The following DAB2IP variants were observed in gnomAD, a reference collection of about 807,000 sequenced individuals.
The protein encoded by DAB2IP is DAB2 interacting protein, also known as disabled homolog 2-interacting protein.
Under a neutral mutation model 107.2 loss-of-function variants are expected in DAB2IP, and 28 were observed. The observed-to-expected ratio is 0.26, with a 90% CI of 0.19 to 0.36. The LOEUF is 0.36. Among genes scored for constraint, DAB2IP ranks in the 10% least tolerant of loss-of-function variants. The pLI is 1.00. For synonymous variants in DAB2IP, 755 were observed against 706.4 expected, an observed-to-expected ratio of 1.07 and a Z score of -1.09; for missense variants, 1,400 against 1,644.7, an observed-to-expected ratio of 0.85 and a Z score of 2.57.
At position 121,743,673 on chromosome 9, in the gene DAB2IP, G is replaced by T. The variant is rs554703180; in HGVS notation, c.363-13340G>T. 5.3e-3 allele frequency among the ~76,000 whole-genome samples: 808 copies of T among 152,316 alleles called. 7 individuals are homozygous for T. The highest frequency in any genetic ancestry group is 0.019 in the African/African-American group (770 of 41,578). ...CAGCGGACAGCAGGAAGGCTCGCCC[G>T]GCCACTCGGCTTCCCGAGCCTGGTG... On this transcript the variant is annotated intron_variant, in intron 3 of 15. Transcript: ENST00000408936.
At chr9:121,663,596 C>A (rs2150711) in intron 1 of DAB2IP, among the ~76,000 whole-genome samples, 1 of 152,176 alleles carries the variant, frequency 6.6e-6, no homozygotes, top group African/African-American at 2.4e-5. Context: ...CCTGAGCTTA[C>A]AGACCATTGG....
At chr9:121,581,699 G>A (rs1471338456) in intron 1 of DAB2IP, among the ~76,000 whole-genome samples, 3 of 152,200 alleles carry the variant, frequency 2.0e-5, no homozygotes, top group Admixed American at 6.5e-5. Context: ...AGCAGCCCAC[G>A]TGCCTAGTCC....
intron 1 of DAB2IP, among the ~76,000 whole-genome samples, chr9:121,601,905 T>TGTGC (rs1048851514): frequency 2.6e-4 from 38 of 144,938 alleles, no homozygotes; most frequent in Non-Finnish European, 4.9e-4. Flanking sequence ...TGTGTGTGTG[T>TGTGC]GCGCGTGCGT....
At chr9:121,615,149 C>A (rs935617877) in intron 1 of DAB2IP, among the ~76,000 whole-genome samples, 1 of 152,138 alleles carries the variant, frequency 6.6e-6, no homozygotes, top group Non-Finnish European at 1.5e-5. Flanking sequence ...CAATAGTTGT[C>A]GGCCCAAGTA....
chr9:121,704,640 T>C (rs1217364460), intron 3 of DAB2IP, among the ~76,000 whole-genome samples: 4 of 152,184 alleles, frequency 2.6e-5, no homozygotes, highest in Non-Finnish European at 5.9e-5. Context: ...ATTAATTACC[T>C]GTAAGGAAGG....
At chr9:121,649,281 G>A (rs1832655752), upstream of DAB2IP, among the ~76,000 whole-genome samples, 2 of 103,780 alleles carry the variant, frequency 1.9e-5, 1 homozygote, top group Non-Finnish European at 5.0e-5. Flanking sequence ...CCTATAGGTA[G>A]GGAAACTAAG....
intron 1 of DAB2IP, 60 bp from the exon 2 acceptor site, chr9:121,678,618 G>A (rs1828400451): frequency 7.4e-7 from 1 of 1,351,370 alleles, no homozygotes; most frequent in East Asian, 3.0e-5. Context: ...GTGGCAGGAG[G>A]CCCTAGCTGT....
intron 3 of DAB2IP, chr9:121,742,863 C>T (rs1332910886): frequency 9.1e-6 from 9 of 985,336 alleles, no homozygotes; most frequent in Non-Finnish European, 1.1e-5. Context: ...AAGATAGACC[C>T]GACCCCACAG....
intron 1 of DAB2IP, among the ~76,000 whole-genome samples, chr9:121,628,110 C>T (rs74944561): frequency 0.073 from 11,084 of 152,310 alleles, 486 homozygotes; most frequent in Non-Finnish European, 0.1. Flanking sequence ...TGGTTCTTGC[C>T]TTGGCCTTGG....
intron 1 of DAB2IP, among the ~76,000 whole-genome samples, chr9:121,593,975 T>G (rs1190004525): frequency 1.3e-5 from 2 of 151,694 alleles, no homozygotes; most frequent in Non-Finnish European, 2.9e-5. Context: ...GCCCTCCCAC[T>G]TTCATAGTAA....
In DAB2IP at chr9:121,634,205, C is replaced by T. The variant is rs1311291459; in HGVS notation, c.41-44473C>T. On this transcript the variant is annotated intron_variant, in intron 1 of 16. Coordinates refer to the DAB2IP transcript ENST00000259371. This position sits in a 1 kb window ranked among gnomAD's most constrained non-coding sequence, Gnocchi z 4.7. ...ACTCCTAGGAAGGGTCCCCTATGCA[C>T]CCCGGGGTAGGAGCTGAATGGCCTG... is the stretch of plus-strand genomic sequence containing the variant. 3.3e-5 allele frequency among the ~76,000 whole-genome samples: 5 copies of T among 152,150 alleles called. No individual in the cohort carries two copies. The highest frequency in any genetic ancestry group is 3.3e-4 in the Admixed American group (5 of 15,282).
intron 3 of DAB2IP, among the ~76,000 whole-genome samples, chr9:121,718,751 G>C (rs1432575419): frequency 6.6e-6 from 1 of 152,210 alleles, no homozygotes; most frequent in African/African-American, 2.4e-5. Context: ...TGAGTTAACC[G>C]GGATTGTGTC....
At chr9:121,712,994 G>A (rs1016890314) in intron 3 of DAB2IP, among the ~76,000 whole-genome samples, 2 of 152,186 alleles carry the variant, frequency 1.3e-5, no homozygotes, top group East Asian at 1.9e-4. Context: ...CACCTGGAGC[G>A]GCCCCTGCCC....
rs536897480 is a variant in DAB2IP at position 121,672,759 on chromosome 9, C to T, written c.125-5919C>T. ...GGTCTGGGGCGCACTCTTAAGAGATCGGCTGGGTCTCCCTTCCCGTGATCT... is the reference window on the plus strand; with the variant it reads ...GGTCTGGGGCGCACTCTTAAGAGATTGGCTGGGTCTCCCTTCCCGTGATCT... On this transcript the variant is annotated intron_variant, in intron 1 of 15. Transcript: ENST00000408936. Among the ~76,000 whole-genome samples, 6 of 152,284 alleles carry T rather than the reference C, an allele frequency of 3.9e-5. No individual in the cohort carries two copies. In the South Asian group the frequency reaches 6.2e-4, roughly 16 times the overall value.
intron 3 of DAB2IP, chr9:121,737,112 C>T (rs146310860): frequency 0.011 from 9,628 of 889,164 alleles, 61 homozygotes; most frequent in Non-Finnish European, 0.012. Context: ...TGACCTTGGG[C>T]GGAGTCAGTA....
At chr9:121,593,894 C>T (rs963088934) in intron 1 of DAB2IP, among the ~76,000 whole-genome samples, 8 of 150,998 alleles carry the variant, frequency 5.3e-5, no homozygotes, top group East Asian at 2.0e-4. Context: ...TCTTAAACTC[C>T]TGACCTCAGG....
In DAB2IP at chr9:121,782,277, A is replaced by G; in HGVS notation, c.3403-54A>G. The G allele has an allele frequency of 1.9e-6, 3 of 1,578,720 alleles. No individual in the cohort carries two copies. Among genetic ancestry groups the G allele is most frequent in the Non-Finnish European group, 2.6e-6 (3 of 1,156,874 alleles). On this transcript the variant is annotated intron_variant, in intron 15 of 15. Coordinates refer to ENST00000408936, the Ensembl canonical transcript of DAB2IP. This position sits in a 1 kb window ranked among gnomAD's most constrained non-coding sequence, Gnocchi z 6.1. ...TCCCCGATGCTTGTCGTAGGTATAC[A>G]CAGCCCTAAGGAGCCTGTCCCATGA... is the stretch of plus-strand genomic sequence containing the variant.
intron 1 of DAB2IP, among the ~76,000 whole-genome samples, chr9:121,587,988 G>T (rs1830343590): frequency 1.3e-5 from 2 of 152,110 alleles, no homozygotes; most frequent in African/African-American, 4.8e-5. Flanking sequence ...TGCCTAGCTG[G>T]GTTCTCTGCC....
At chr9:121,637,987 T>G (rs960138117) in intron 1 of DAB2IP, among the ~76,000 whole-genome samples, 1 of 152,128 alleles carries the variant, frequency 6.6e-6, no homozygotes, top group African/African-American at 2.4e-5. Context: ...ACTTCCTATG[T>G]ACTCAATGGT....
Sources: gnomAD v4.1 joint callset for allele counts (sites outside exome capture counted in the v4.1 genomes callset) on GRCh38, gnomAD v4.1.1 for gene constraint, Gnocchi (gnomAD v3.1) non-coding constraint, MANE v1.5 for transcripts, NCBI Gene and HGNC (gene_info 2026-07-23, HGNC 2026-07-21) for gene names.